LCORL: variants seen among roughly 807,000 people sequenced by gnomAD.
The protein encoded by LCORL is ligand dependent nuclear receptor corepressor like, also known as ligand-dependent nuclear receptor corepressor-like protein.
LCORL carries 41 observed loss-of-function variants against 141.8 expected under a neutral mutation model. The observed-to-expected ratio is 0.29, with a 90% CI of 0.23 to 0.38. The LOEUF is 0.38. Among genes scored for constraint, LCORL ranks in the 10% least tolerant of loss-of-function variants. The pLI, the probability that LCORL is intolerant of heterozygous loss-of-function variation, is 1.00. For synonymous variants in LCORL, 618 were observed against 694.1 expected (o/e 0.89, Z 1.72); for missense variants, 1,759 against 2,035.0 (o/e 0.86, Z 2.61).
At chr4:17,847,647 G>A (rs115472503) in intron 7 of LCORL, among the ~76,000 whole-genome samples, 1 of 152,116 alleles carries the variant, frequency 6.6e-6, no homozygotes, top group Non-Finnish European at 1.5e-5. Flanking sequence ...CCAAAGTACA[G>A]TATTTTCATA....
At chr4:17,924,369 G>T (rs1177573635) in intron 4 of LCORL, among the ~76,000 whole-genome samples, 1 of 152,148 alleles carries the variant, frequency 6.6e-6, no homozygotes, top group Non-Finnish European at 1.5e-5. Flanking sequence ...TTACACATGG[G>T]TTTAGCAACA....
intron 4 of LCORL, among the ~76,000 whole-genome samples, chr4:17,926,999 T>C (rs1051232426): frequency 2.8e-4 from 43 of 152,364 alleles, no homozygotes; most frequent in African/African-American, 9.9e-4. Flanking sequence ...ATGAAAGCCC[T>C]AGACGGCGTC....
intron 1 of LCORL, among the ~76,000 whole-genome samples, chr4:18,014,695 A>G (rs1056955598): frequency 2.0e-5 from 3 of 152,238 alleles, no homozygotes; most frequent in Non-Finnish European, 4.4e-5. Context: ...AAAATTCTCA[A>G]AACAAAATTT....
At chr4:17,927,859 C>G (rs189436895) in intron 4 of LCORL, among the ~76,000 whole-genome samples, 1 of 152,220 alleles carries the variant, frequency 6.6e-6, no homozygotes, top group Admixed American at 6.5e-5. Flanking sequence ...AGACATGAAG[C>G]GAGCACGTTA....
intron 4 of LCORL, among the ~76,000 whole-genome samples, chr4:17,949,280 A>C (rs941637457): frequency 6.6e-6 from 1 of 152,116 alleles, no homozygotes; most frequent in Non-Finnish European, 1.5e-5. Context: ...AGTGATGCTA[A>C]GGGTGGGCAG....
intron 5 of LCORL, among the ~76,000 whole-genome samples, chr4:17,906,011 T>C (rs778580339): frequency 2.0e-5 from 3 of 152,198 alleles, no homozygotes; most frequent in Non-Finnish European, 4.4e-5. Flanking sequence ...TCTTCTAAAG[T>C]ATATTATCAT....
chr4:17,884,703 C>A lies in LCORL; in HGVS notation c.776+1365G>T. On this transcript the variant is annotated intron_variant, in intron 6 of 7. Coordinates refer to ENST00000635767, the Ensembl canonical transcript of LCORL. This position sits in a 1 kb window ranked among gnomAD's most constrained non-coding sequence, Gnocchi z 4.4. The stretch of plus-strand genomic sequence containing the variant: ...AAAGCTTTTGAGAGCAAACCATCTG[C>A]AAACTCAGCACTTCTTTCCACATAG... The A allele has an allele frequency of 1.3e-6, 2 of 1,511,872 alleles. No homozygotes were observed. Among genetic ancestry groups the A allele is most frequent in the Non-Finnish European group, 1.8e-6 (2 of 1,132,670 alleles). The allele number at this position is 1,511,872 out of a possible 1,614,324, so 93.7% of individuals were successfully genotyped here.
At chr4:17,887,921 C>T (rs776297202) in intron 5 of LCORL, among the ~76,000 whole-genome samples, 4 of 152,038 alleles carry the variant, frequency 2.6e-5, no homozygotes, top group South Asian at 2.1e-4. Context: ...CGCCTCACCC[C>T]GGCAACCCCT....
At chr4:17,881,415 A>T in intron 6 of LCORL, 1 of 954,332 alleles carries the variant, frequency 1.0e-6, no homozygotes. Flanking sequence ...CAATAATAGA[A>T]ATGTTTTGTT....
At chr4:17,854,787 G>C (rs1724161959) in intron 7 of LCORL, among the ~76,000 whole-genome samples, 1 of 152,128 alleles carries the variant, frequency 6.6e-6, no homozygotes, top group South Asian at 2.1e-4. Flanking sequence ...AGATTTTATA[G>C]ACTTTTTCTC....
exon 8 of LCORL, chr4:17,845,577 A>T (rs1041265733): frequency 5.9e-6 from 3 of 512,228 alleles, no homozygotes; most frequent in Non-Finnish European, 9.9e-6. Flanking sequence ...CATATAAAGA[A>T]TATAATCAAA....
At chr4:17,883,707 C>T (rs759982696) in intron 6 of LCORL, 1 of 1,506,632 alleles carries the variant, frequency 6.6e-7, no homozygotes, top group South Asian at 1.3e-5. Flanking sequence ...CAAACATTTT[C>T]CTAACAAGTA....
chr4:17,869,052 T>A (rs2109157714), intron 7 of LCORL, among the ~76,000 whole-genome samples: 1 of 151,666 alleles, frequency 6.6e-6, no homozygotes, highest in African/African-American at 2.4e-5. Context: ...ACCTTTTTTT[T>A]TTTTTTTTTT....
chr4:18,001,161 A>T (rs1039833906), intron 1 of LCORL, among the ~76,000 whole-genome samples: 3 of 152,178 alleles, frequency 2.0e-5, no homozygotes, highest in African/African-American at 7.2e-5. Flanking sequence ...ACAGAGCGAG[A>T]CCCTGTCTCA....
intron 5 of LCORL, among the ~76,000 whole-genome samples, chr4:17,898,974 A>G (rs1458431448): frequency 1.3e-5 from 2 of 152,156 alleles, no homozygotes; most frequent in Non-Finnish European, 2.9e-5. Context: ...AGCTTTGACA[A>G]ACAGGGTATA....
chr4:17,897,625 T>A lies in LCORL; in HGVS notation c.683-11464A>T, dbSNP rs367750286. Among the ~76,000 whole-genome samples the A allele has an allele frequency of 1.9e-4, 29 of 152,318 alleles. 1 individual carries two copies. In the South Asian group the frequency reaches 3.1e-3, roughly 16 times the overall value. On this transcript the variant is annotated intron_variant, in intron 5 of 7. Transcript: ENST00000635767. ...AGACTACTAACTCTGGGGGACACTT[T>A]CAGTTTCTGGTTCTCATAAATGAGT...
intron 4 of LCORL, among the ~76,000 whole-genome samples, chr4:17,932,639 G>A (rs149492588): frequency 5.1e-4 from 78 of 152,248 alleles, no homozygotes; most frequent in African/African-American, 1.7e-3. Flanking sequence ...CATAGAGTAC[G>A]AGGCTGAGCA....
chr4:18,008,589 G>C (rs141773086), intron 1 of LCORL, among the ~76,000 whole-genome samples: 312 of 152,248 alleles, frequency 2.0e-3, no homozygotes, highest in African/African-American at 7.0e-3. Context: ...AAGTCACTTA[G>C]CCTCTCTAAG....
chr4:17,913,271 C>T (rs1732869264), intron 4 of LCORL, among the ~76,000 whole-genome samples: 2 of 152,182 alleles, frequency 1.3e-5, no homozygotes, highest in Admixed American at 1.3e-4. Context: ...TCAATGGGTG[C>T]CAAGACCATT....
Sources: allele counts gnomAD v4.1 joint callset (sites outside exome capture counted in the v4.1 genomes callset), GRCh38; gene constraint gnomAD v4.1.1; non-coding constraint Gnocchi (gnomAD v3.1); transcripts MANE v1.5; gene names NCBI Gene and HGNC (gene_info 2026-07-23, HGNC 2026-07-21).